Variants in NIPAL2 observed in about 807,000 individuals in gnomAD.
NIPAL2 encodes NIPA-like protein 2.
NIPAL2 carries 43 observed loss-of-function variants against 48.9 expected under a neutral mutation model. The ratio of observed to expected loss-of-function variants is 0.88; its 90% CI spans 0.69 to 1.13. NIPAL2 has a LOEUF of 1.13. NIPAL2 is among the 50% of genes most tolerant of loss of function. The pLI is 0.00. For synonymous variants in NIPAL2, 167 were observed against 174.6 expected, an observed-to-expected ratio of 0.96 and a Z score of 0.34; for missense variants, 446 against 461.4, an observed-to-expected ratio of 0.97 and a Z score of 0.31.
At chr8:98,257,489 C>T (rs1813971905) in intron 1 of NIPAL2, among the ~76,000 whole-genome samples, 1 of 152,028 alleles carries the variant, frequency 6.6e-6, no homozygotes, top group African/African-American at 2.4e-5. Flanking sequence ...GATCTCTTGA[C>T]CTCATGATCT....
chr8:98,208,633 G>C (rs1229723869), intron 6 of NIPAL2, among the ~76,000 whole-genome samples: 1 of 152,062 alleles, frequency 6.6e-6, no homozygotes, highest in Non-Finnish European at 1.5e-5. Flanking sequence ...ATTTTTAGTA[G>C]AGCTGGGGTT....
Position 98,292,795 on chromosome 8 carries a change from A to G in NIPAL2, c.135+1208T>C, listed in dbSNP as rs1347849126. On this transcript the variant is annotated intron_variant, in intron 1 of 10. Transcript: ENST00000430223. ...TTAAACTTATATTGGGAATACTTCT[A>G]ATAAAAGAATAATATAATAGATAGA... Among the ~76,000 whole-genome samples, 13 of 151,680 alleles carry G rather than the reference A, an allele frequency of 8.6e-5. No homozygotes were observed. The South Asian group carries it at 1.0e-3, about 12-fold the overall frequency.
chr8:98,276,377 A>G (rs1180732107), intron 1 of NIPAL2, among the ~76,000 whole-genome samples: 1 of 152,158 alleles, frequency 6.6e-6, no homozygotes, highest in Non-Finnish European at 1.5e-5. Context: ...TTTTTTGCTT[A>G]GTAATATGCA....
intron 6 of NIPAL2, among the ~76,000 whole-genome samples, chr8:98,210,934 C>T (rs950894719): frequency 2.0e-5 from 3 of 152,196 alleles, no homozygotes; most frequent in Non-Finnish European, 4.4e-5. Context: ...ACTTCGCAAC[C>T]TGCAAGGGCC....
intron 6 of NIPAL2, among the ~76,000 whole-genome samples, chr8:98,207,987 CT>C (rs139447125): frequency 5.0e-4 from 76 of 151,870 alleles, no homozygotes; most frequent in African/African-American, 1.7e-3. Flanking sequence ...GAACGTAAGT[CT>C]TTGTTTATCA....
At chr8:98,243,445 T>C (rs1165544463) in intron 3 of NIPAL2, among the ~76,000 whole-genome samples, 2 of 152,208 alleles carry the variant, frequency 1.3e-5, no homozygotes, top group Non-Finnish European at 1.5e-5. Context: ...GCGAGGTATG[T>C]GTCTTGGTGT....
intron 6 of NIPAL2, among the ~76,000 whole-genome samples, chr8:98,210,461 G>A (rs1811258394): frequency 6.6e-6 from 1 of 152,180 alleles, no homozygotes; most frequent in African/African-American, 2.4e-5. Context: ...ATCTGAGGAT[G>A]TGGTCTGTAT....
intron 1 of NIPAL2, among the ~76,000 whole-genome samples, chr8:98,267,487 A>T (rs1814843956): frequency 6.6e-6 from 1 of 151,666 alleles, no homozygotes; most frequent in Non-Finnish European, 1.5e-5. Flanking sequence ...CACCCACCTA[A>T]TTTTTCTATT....
intron 4 of NIPAL2, among the ~76,000 whole-genome samples, chr8:98,228,835 G>A (rs2122930): frequency 0.27 from 41,489 of 152,144 alleles, 5,837 homozygotes; most frequent in African/African-American, 0.32. Context: ...GAATGAGCAG[G>A]AAGGAATTGG....
chr8:98,293,967 C>T (rs1252046731), intron 1 of NIPAL2, 36 bp downstream of exon 1: 5 of 1,398,604 alleles, frequency 3.6e-6, no homozygotes, highest in Admixed American at 3.4e-5. Flanking sequence ...TGGCCGCGTC[C>T]CCACCGGGCT....
intron 5 of NIPAL2, among the ~76,000 whole-genome samples, chr8:98,217,824 A>T (rs1268814003): frequency 6.6e-6 from 1 of 152,194 alleles, no homozygotes. Flanking sequence ...TTTACTTTCA[A>T]ATATACTTTC....
chr8:98,194,678 A>C, intron 10 of NIPAL2, 50 bp downstream of exon 10: 1 of 987,492 alleles, frequency 1.0e-6, no homozygotes, highest in Non-Finnish European at 1.5e-6. Context: ...ACCAATAACT[A>C]TTCATTTATA....
At chr8:98,240,767 A>C (rs923301625) in intron 3 of NIPAL2, among the ~76,000 whole-genome samples, 14 of 152,234 alleles carry the variant, frequency 9.2e-5, no homozygotes, top group Non-Finnish European at 1.5e-4. Context: ...TACTCAGAGT[A>C]TCACTCCAGG....
chr8:98,264,608 C>T (rs989348728), intron 1 of NIPAL2, among the ~76,000 whole-genome samples: 11 of 150,876 alleles, frequency 7.3e-5, no homozygotes, highest in Non-Finnish European at 1.6e-4. Flanking sequence ...GAACTACAAA[C>T]CCCTGCTCAA....
chr8:98,258,625 TA>T (rs1361175267), intron 1 of NIPAL2, among the ~76,000 whole-genome samples: 1 of 152,182 alleles, frequency 6.6e-6, no homozygotes. Context: ...TATGTGCCTG[TA>T]AAAATAGGTG....
At chr8:98,282,444 A>G (rs973416522) in intron 1 of NIPAL2, among the ~76,000 whole-genome samples, 1 of 152,160 alleles carries the variant, frequency 6.6e-6, no homozygotes, top group Non-Finnish European at 1.5e-5. Context: ...AAGACCAAGC[A>G]GGAGATAGAT....
intron 1 of NIPAL2, among the ~76,000 whole-genome samples, chr8:98,256,288 G>T (rs1813887460): frequency 6.6e-6 from 1 of 152,122 alleles, no homozygotes; most frequent in African/African-American, 2.4e-5. Flanking sequence ...CTCCCAAAGT[G>T]CTGGGATTAC....
intron 5 of NIPAL2, among the ~76,000 whole-genome samples, chr8:98,213,044 G>T (rs1332712145): frequency 6.6e-6 from 1 of 152,118 alleles, no homozygotes; most frequent in African/African-American, 2.4e-5. Context: ...AACACAATTT[G>T]GATAATGAAA....
At chr8:98,236,946 T>C (rs1331474439) in intron 3 of NIPAL2, among the ~76,000 whole-genome samples, 3 of 151,914 alleles carry the variant, frequency 2.0e-5, no homozygotes, top group Non-Finnish European at 4.4e-5. Context: ...CTATAATTCC[T>C]GTTCCGACAA....
Sources: allele counts gnomAD v4.1 joint callset (sites outside exome capture counted in the v4.1 genomes callset), GRCh38; gene constraint gnomAD v4.1.1; transcripts MANE v1.5; gene names NCBI Gene and HGNC (gene_info 2026-07-23, HGNC 2026-07-21).